The following GBE1 variants were observed in gnomAD, a reference collection of about 807,000 sequenced individuals.
The protein encoded by GBE1 is 1,4-alpha-glucan branching enzyme 1.
GBE1 carries 70 observed loss-of-function variants against 88.8 expected under a neutral mutation model. The ratio of observed to expected loss-of-function variants is 0.79; its 90% CI spans 0.65 to 0.96. GBE1 has a LOEUF of 0.96. Ranked by LOEUF, GBE1 falls within the 40% of genes least tolerant of loss-of-function variation. The pLI is 0.00. For missense variants in GBE1, 872 were observed against 871.0 expected (o/e 1.00, Z -0.01); for synonymous variants, 284 against 300.1 (o/e 0.95, Z 0.56).
chr3:81,490,547 A>G (rs1466724717), intron 15 of GBE1, 84 bp from the exon 16 acceptor site: 1 of 1,072,528 alleles, frequency 9.3e-7, no homozygotes, highest in African/African-American at 1.6e-5. Flanking sequence ...GGCATGACGC[A>G]GTCTCACATC....
intron 7 of GBE1, among the ~76,000 whole-genome samples, chr3:81,639,732 G>T (rs1483972467): frequency 6.6e-6 from 1 of 152,128 alleles, no homozygotes; most frequent in East Asian, 1.9e-4. Flanking sequence ...GCTCTTGTGA[G>T]AAAGCCCAAG....
chr3:81,701,981 C>T (rs1380719599), intron 2 of GBE1, among the ~76,000 whole-genome samples: 1 of 132,706 alleles, frequency 7.5e-6, no homozygotes, highest in African/African-American at 2.8e-5. Flanking sequence ...GGTCAGTAGG[C>T]ACAAAAAAAA....
intron 10 of GBE1, 24 bp from the exon 11 acceptor site, chr3:81,581,299 G>C (rs746913619): frequency 6.4e-5 from 81 of 1,259,288 alleles, no homozygotes; most frequent in Non-Finnish European, 4.5e-6. Flanking sequence ...AGAAAAATAA[G>C]CTTCTGAGTA....
chr3:81,548,467 G>GT (rs1489017428), intron 12 of GBE1, among the ~76,000 whole-genome samples: 1 of 151,294 alleles, frequency 6.6e-6, no homozygotes, highest in Non-Finnish European at 1.5e-5. Context: ...TATGTTGTTG[G>GT]TATGTGTTCC....
chr3:81,493,755 C>T (rs926901489), intron 15 of GBE1, among the ~76,000 whole-genome samples: 5 of 151,946 alleles, frequency 3.3e-5, no homozygotes, highest in Admixed American at 2.0e-4. Context: ...AGGCTGGTCT[C>T]GAACTCCCGA....
At chr3:81,672,701 T>A (rs1430790374) in intron 2 of GBE1, among the ~76,000 whole-genome samples, 2 of 151,894 alleles carry the variant, frequency 1.3e-5, no homozygotes, top group Non-Finnish European at 1.5e-5. Flanking sequence ...TTAAAGTGAG[T>A]TGTATACACA....
chr3:81,628,742 CATATATATAT>C (rs71108330), intron 7 of GBE1, among the ~76,000 whole-genome samples: 4,257 of 65,390 alleles, frequency 0.065, 201 homozygotes, highest in Middle Eastern at 0.12. Flanking sequence ...AGAACAATTG[CATATATATAT>C]ATATATATAT....
chr3:81,538,164 T>G (rs879861833), intron 12 of GBE1, among the ~76,000 whole-genome samples: 16 of 151,974 alleles, frequency 1.1e-4, no homozygotes, highest in Admixed American at 5.9e-4. Context: ...ATTTTATAAA[T>G]TTCTCCAATG....
intron 2 of GBE1, among the ~76,000 whole-genome samples, chr3:81,676,805 G>T (rs1022599355): frequency 2.0e-5 from 3 of 151,992 alleles, no homozygotes; most frequent in African/African-American, 7.2e-5. Context: ...ATCTGATAAG[G>T]CATAAGATTC....
At chr3:81,535,363 C>G (rs1477842719) in intron 13 of GBE1, 38 bp from the exon 14 acceptor site, 1 of 1,557,026 alleles carries the variant, frequency 6.4e-7, no homozygotes, top group Admixed American at 2.1e-5. Context: ...TTAAATAATA[C>G]CTAGATGCTG....
intron 2 of GBE1, among the ~76,000 whole-genome samples, chr3:81,693,307 T>G (rs1490693892): frequency 6.6e-6 from 1 of 152,184 alleles, no homozygotes; most frequent in Non-Finnish European, 1.5e-5. Context: ...TAATTATTAT[T>G]AAATTATATT....
Position 81,591,031 on chromosome 3 carries a change from C to A in GBE1, c.1236+6G>T. On this transcript the variant is annotated splice_donor_region_variant and intron_variant, in intron 9 of 15. Coordinates refer to ENST00000429644, the MANE Select transcript of GBE1 (RefSeq NM_000158.4). ...GTCAGAAGGTAAGACTTCACTATGG[C>A]TTTACCTCAGCTATTGTTATAGAAT... The A allele has an allele frequency of 6.2e-7, 1 of 1,605,798 alleles. No homozygotes were observed. Among genetic ancestry groups the A allele is most frequent in the Non-Finnish European group, 8.5e-7 (1 of 1,175,558 alleles).
At chr3:81,499,255 T>C (rs1261828626) in intron 14 of GBE1, 28 bp from the exon 15 acceptor site, 3 of 1,313,250 alleles carry the variant, frequency 2.3e-6, no homozygotes, top group Non-Finnish European at 2.2e-6. Context: ...TTCACAACAG[T>C]TGAGGAGTTG....
chr3:81,607,105 A>C, intron 7 of GBE1, among the ~76,000 whole-genome samples: 1 of 152,204 alleles, frequency 6.6e-6, no homozygotes, highest in East Asian at 1.9e-4. Context: ...TGCACAGAAA[A>C]GAAAAAGTTG....
At chr3:81,740,104 A>C (rs1706324276) in intron 1 of GBE1, among the ~76,000 whole-genome samples, 1 of 152,122 alleles carries the variant, frequency 6.6e-6, no homozygotes, top group South Asian at 2.1e-4. Flanking sequence ...ATATGCCTGT[A>C]GTCCCAGCCA....
At chr3:81,581,639 G>A (rs3821556) in intron 10 of GBE1, among the ~76,000 whole-genome samples, 54,155 of 151,786 alleles carry the variant, frequency 0.36, 10,253 homozygotes, top group East Asian at 0.78. Flanking sequence ...CTTGTACATG[G>A]TAGAGATACA....
intron 12 of GBE1, among the ~76,000 whole-genome samples, chr3:81,572,639 A>C (rs1270560917): frequency 6.6e-6 from 1 of 152,200 alleles, no homozygotes; most frequent in Non-Finnish European, 1.5e-5. Context: ...ATTTTAATTT[A>C]TGCTTTACTT....
intron 15 of GBE1, among the ~76,000 whole-genome samples, chr3:81,494,638 G>A (rs1702478907): frequency 6.6e-6 from 1 of 152,110 alleles, no homozygotes; most frequent in African/African-American, 2.4e-5. Context: ...TTAAGAACAT[G>A]AGACAACGTA....
At chr3:81,691,472 T>G (rs184932074) in intron 2 of GBE1, among the ~76,000 whole-genome samples, 1 of 152,178 alleles carries the variant, frequency 6.6e-6, no homozygotes, top group Non-Finnish European at 1.5e-5. Flanking sequence ...ATAATAAAGT[T>G]TGAATTCTAA....
Sources: allele counts gnomAD v4.1 joint callset (sites outside exome capture counted in the v4.1 genomes callset), GRCh38; gene constraint gnomAD v4.1.1; transcripts MANE v1.5; gene names NCBI Gene and HGNC (gene_info 2026-07-23, HGNC 2026-07-21).